Variants in PHACTR3 observed in about 807,000 individuals in gnomAD.
The protein encoded by PHACTR3 is phosphatase and actin regulator 3.
Under a neutral mutation model 66.8 loss-of-function variants are expected in PHACTR3, and 16 were observed. The ratio of observed to expected loss-of-function variants is 0.24; its 90% CI spans 0.16 to 0.36. The LOEUF is 0.36. Ranked by LOEUF, PHACTR3 falls within the 10% of genes least tolerant of loss-of-function variation. The pLI is 1.00. For synonymous variants in PHACTR3, 323 were observed against 292.1 expected, an observed-to-expected ratio of 1.11 and a Z score of -1.08; for missense variants, 647 against 719.9, an observed-to-expected ratio of 0.90 and a Z score of 1.16.
intron 1 of PHACTR3, among the ~76,000 whole-genome samples, chr20:59,658,772 C>CCAGTTAAAT (rs1213710580): frequency 1.3e-5 from 2 of 152,154 alleles, no homozygotes; most frequent in African/African-American, 2.4e-5. Flanking sequence ...ACAACCTGAT[C>CCAGTTAAAT]CAGTTAAATT....
chr20:59,816,419 C>G (rs1490205845), intron 8 of PHACTR3, among the ~76,000 whole-genome samples: 1 of 152,192 alleles, frequency 6.6e-6, no homozygotes, highest in Non-Finnish European at 1.5e-5. Context: ...GTATTTCCTT[C>G]CTGTGTGATA....
At chr20:59,767,502 TCACTCATCCATC>T in intron 5 of PHACTR3, 107 bp downstream of exon 5, 1 of 1,266,862 alleles carries the variant, frequency 7.9e-7, no homozygotes, top group Non-Finnish European at 1.1e-6. Context: ...ATTCACCCAT[TCACTCATCCATC>T]CATCCATACC....
intron 1 of PHACTR3, among the ~76,000 whole-genome samples, chr20:59,717,049 A>G (rs1443692211): frequency 6.6e-6 from 1 of 152,256 alleles, no homozygotes; most frequent in Admixed American, 6.5e-5. Flanking sequence ...GAAATTTATT[A>G]TGCTCATAAA....
At chr20:59,631,050 T>C (rs535679145) in intron 1 of PHACTR3, among the ~76,000 whole-genome samples, 1 of 152,200 alleles carries the variant, frequency 6.6e-6, no homozygotes, top group African/African-American at 2.4e-5. Flanking sequence ...TTAGCTGTCA[T>C]TGTGGAATGG....
intron 6 of PHACTR3, 106 bp from the exon 7 acceptor site, chr20:59,774,137 A>G (rs2040448037): frequency 2.8e-6 from 4 of 1,438,346 alleles, no homozygotes; most frequent in Admixed American, 2.4e-5. Context: ...GGTCACATGC[A>G]TTTTGGGGCT....
intron 8 of PHACTR3, among the ~76,000 whole-genome samples, chr20:59,826,960 T>G (rs1478279769): frequency 1.3e-5 from 2 of 152,116 alleles, no homozygotes; most frequent in South Asian, 4.2e-4. Context: ...TCCGGAGGAT[T>G]TGAATCCTTC....
chr20:59,837,773 A>C (rs769675183), intron 9 of PHACTR3, among the ~76,000 whole-genome samples: 1 of 152,230 alleles, frequency 6.6e-6, no homozygotes, highest in African/African-American at 2.4e-5. Context: ...CCAGACTTGA[A>C]CCAGGCAAGT....
At chr20:59,655,377 C>T (rs765967282) in intron 1 of PHACTR3, among the ~76,000 whole-genome samples, 2 of 152,000 alleles carry the variant, frequency 1.3e-5, no homozygotes, top group Non-Finnish European at 2.9e-5. Flanking sequence ...CAACTATCAT[C>T]ACAATTGGTA....
chr20:59,830,637 C>T lies in PHACTR3; in HGVS notation c.1329-5868C>T, dbSNP rs994468757. Among the ~76,000 whole-genome samples, 10 of 152,154 alleles carry T rather than the reference C, an allele frequency of 6.6e-5. No homozygotes were observed. The highest frequency in any genetic ancestry group is 2.2e-4 in the African/African-American group (9 of 41,448). On this transcript the variant is annotated intron_variant, in intron 8 of 12. Coordinates refer to ENST00000371015, the MANE Select transcript of PHACTR3 (RefSeq NM_080672.5). The surrounding 1 kb of genome is among the most constrained non-coding windows in gnomAD (Gnocchi z 5.8). ...GCTGAAGGTGGAAGAGACCTGGGCT[C>T]AGCACGCCAGGTGAATAATATCAGT...
intron 12 of PHACTR3, among the ~76,000 whole-genome samples, chr20:59,846,860 A>G (rs2059160197): frequency 6.6e-6 from 1 of 152,158 alleles, no homozygotes; most frequent in Non-Finnish European, 1.5e-5. Context: ...GTGTACTTCA[A>G]GGGCTTTTAA....
At chr20:59,689,895 GC>G (rs1410092336) in intron 1 of PHACTR3, among the ~76,000 whole-genome samples, 1 of 152,062 alleles carries the variant, frequency 6.6e-6, no homozygotes, top group East Asian at 1.9e-4. Flanking sequence ...GAAGGTCCAG[GC>G]CCCCTTGTCT....
At chr20:59,747,659 T>G in intron 2 of PHACTR3, 99 bp from the exon 3 acceptor site, 2 of 1,395,002 alleles carry the variant, frequency 1.4e-6, no homozygotes, top group South Asian at 1.3e-5. Context: ...AGCTCAGTGT[T>G]TTTGGTCTGT....
intron 1 of PHACTR3, among the ~76,000 whole-genome samples, chr20:59,720,223 G>A (rs181698847): frequency 2.0e-5 from 3 of 152,308 alleles, no homozygotes; most frequent in East Asian, 3.9e-4. Context: ...TTCTTTGGGT[G>A]GGCTTGTACA....
chr20:59,597,205 T>C (rs1568923712), intron 1 of PHACTR3, among the ~76,000 whole-genome samples: 1 of 152,224 alleles, frequency 6.6e-6, no homozygotes, highest in Non-Finnish European at 1.5e-5. Context: ...CTCAACTTCA[T>C]TGTTTGTAAG....
At chr20:59,833,199 A>G (rs1209024077) in intron 8 of PHACTR3, among the ~76,000 whole-genome samples, 1 of 152,088 alleles carries the variant, frequency 6.6e-6, no homozygotes, top group Admixed American at 6.5e-5. Context: ...CATATTCTAG[A>G]CCATTCAGGG....
intron 1 of PHACTR3, among the ~76,000 whole-genome samples, chr20:59,643,698 G>A (rs892954852): frequency 7.2e-5 from 11 of 152,176 alleles, no homozygotes; most frequent in East Asian, 1.9e-4. Context: ...CTGATGGAGC[G>A]GCGAGAAGCT....
At chr20:59,606,244 G>A (rs2033664644) in intron 1 of PHACTR3, among the ~76,000 whole-genome samples, 1 of 152,132 alleles carries the variant, frequency 6.6e-6, no homozygotes, top group South Asian at 2.1e-4. Flanking sequence ...ACACACCAGA[G>A]CTTCCCGATA....
At chr20:59,629,372 C>G (rs1004008100) in intron 1 of PHACTR3, among the ~76,000 whole-genome samples, 3 of 152,224 alleles carry the variant, frequency 2.0e-5, no homozygotes, top group African/African-American at 4.8e-5. Flanking sequence ...TTCCCCTTCT[C>G]CCTCCGCTGT....
At chr20:59,650,773 T>C (rs983796794) in intron 1 of PHACTR3, among the ~76,000 whole-genome samples, 2 of 146,270 alleles carry the variant, frequency 1.4e-5, no homozygotes, top group Non-Finnish European at 3.0e-5. Context: ...TCTCAGGGGT[T>C]GGGGGTGGTG....
Sources: allele counts gnomAD v4.1 joint callset (sites outside exome capture counted in the v4.1 genomes callset), GRCh38; gene constraint gnomAD v4.1.1; non-coding constraint Gnocchi (gnomAD v3.1); transcripts MANE v1.5; gene names NCBI Gene and HGNC (gene_info 2026-07-23, HGNC 2026-07-21).